Variants in FSTL5 observed in about 807,000 individuals in gnomAD.
FSTL5 encodes follistatin-related protein 5.
Under a neutral mutation model 89.1 loss-of-function variants are expected in FSTL5, and 62 were observed. The observed-to-expected ratio is 0.70, with a 90% CI of 0.57 to 0.86. The LOEUF is 0.86. FSTL5 is among the 40% of genes least tolerant of loss of function. The pLI is 0.00. For synonymous variants in FSTL5, 383 were observed against 346.2 expected, an observed-to-expected ratio of 1.11 and a Z score of -1.18; for missense variants, 1,057 against 1,001.6, an observed-to-expected ratio of 1.06 and a Z score of -0.75.
chr4:161,744,469 C>T (rs1462031881), intron 6 of FSTL5, among the ~76,000 whole-genome samples: 1 of 152,150 alleles, frequency 6.6e-6, no homozygotes, highest in African/African-American at 2.4e-5. Context: ...TATGTCTATA[C>T]ATTTACGAAG....
At chr4:161,625,859 A>G (rs1450951743) in intron 7 of FSTL5, among the ~76,000 whole-genome samples, 2 of 152,188 alleles carry the variant, frequency 1.3e-5, no homozygotes, top group Admixed American at 1.3e-4. Flanking sequence ...TTGATGATAT[A>G]GAGAAAGTTT....
rs112721522 is a variant in FSTL5, at chr4:161,981,342, T to A, written c.160+52283A>T. Among the ~76,000 whole-genome samples, 183 of 152,286 alleles carry A rather than the reference T, an allele frequency of 1.2e-3. 1 individual carries two copies. The highest frequency in any genetic ancestry group is 4.2e-3 in the African/African-American group (176 of 41,570). The stretch of plus-strand genomic sequence containing the variant: ...AGAAAATGCTTTGCTATTATAATGA[T>A]AATCATGTATTTTATACTAACTTTC... On this transcript the variant is annotated intron_variant, in intron 3 of 15. Coordinates refer to ENST00000306100, the MANE Select transcript of FSTL5 (RefSeq NM_020116.5).
intron 4 of FSTL5, among the ~76,000 whole-genome samples, chr4:161,868,280 T>G (rs370086450): frequency 6.6e-6 from 1 of 152,210 alleles, no homozygotes; most frequent in African/African-American, 2.4e-5. Context: ...TTTCCTCTTT[T>G]TATTTTTTCC....
intron 10 of FSTL5, among the ~76,000 whole-genome samples, chr4:161,535,178 T>G (rs1020006522): frequency 6.6e-6 from 1 of 152,082 alleles, no homozygotes; most frequent in Non-Finnish European, 1.5e-5. Flanking sequence ...AATTTATGGC[T>G]AAGTCCTCAA....
chr4:161,777,998 G>A (rs923866617), intron 4 of FSTL5, among the ~76,000 whole-genome samples: 5 of 152,050 alleles, frequency 3.3e-5, no homozygotes, highest in African/African-American at 1.2e-4. Flanking sequence ...GGAGGCTGAG[G>A]CAGGAGAATC....
intron 4 of FSTL5, among the ~76,000 whole-genome samples, chr4:161,872,617 G>T (rs566207529): frequency 6.6e-6 from 1 of 152,180 alleles, no homozygotes; most frequent in East Asian, 1.9e-4. Flanking sequence ...TAAGAGTGGC[G>T]AATAAGAAAG....
At chr4:161,745,952 C>T in intron 6 of FSTL5, among the ~76,000 whole-genome samples, 1 of 152,172 alleles carries the variant, frequency 6.6e-6, no homozygotes, top group South Asian at 2.1e-4. Flanking sequence ...AGTTTTTCAT[C>T]AGTAAAAAAC....
intron 7 of FSTL5, among the ~76,000 whole-genome samples, chr4:161,654,289 G>T (rs561042653): frequency 3.9e-5 from 6 of 152,074 alleles, no homozygotes; most frequent in Non-Finnish European, 8.8e-5. Flanking sequence ...TACAATGATG[G>T]TTTTCAGACC....
At chr4:162,047,195 A>G (rs1383486774) in intron 2 of FSTL5, among the ~76,000 whole-genome samples, 2 of 152,122 alleles carry the variant, frequency 1.3e-5, no homozygotes, top group Admixed American at 1.3e-4. Context: ...CAGTACAGAC[A>G]CACAACCTGT....
At chr4:161,947,281 T>G (rs1040134149) in intron 3 of FSTL5, among the ~76,000 whole-genome samples, 1 of 151,406 alleles carries the variant, frequency 6.6e-6, no homozygotes, top group African/African-American at 2.4e-5. Flanking sequence ...TTTTTATTGA[T>G]GTTGCTTTTT....
intron 12 of FSTL5, among the ~76,000 whole-genome samples, chr4:161,490,637 C>G (rs548045448): frequency 8.8e-4 from 134 of 152,096 alleles, no homozygotes; most frequent in African/African-American, 3.2e-3. Context: ...TTATATGGAA[C>G]AAAGGCTTAA....
intron 1 of FSTL5, among the ~76,000 whole-genome samples, chr4:162,137,874 C>T (rs977451728): frequency 6.6e-6 from 1 of 152,024 alleles, no homozygotes; most frequent in Admixed American, 6.6e-5. Context: ...AAAGTAAGGT[C>T]AATTAACCTA....
intron 2 of FSTL5, among the ~76,000 whole-genome samples, chr4:162,103,469 T>C (rs773125441): frequency 2.6e-5 from 4 of 152,196 alleles, no homozygotes; most frequent in Non-Finnish European, 5.9e-5. Flanking sequence ...TGTGTATTGG[T>C]AGCCAGTTCT....
rs1560917656 is a variant in FSTL5, at chr4:161,920,756, G to A, written c.161-104C>T. ...AAACAAGTGTTCTAAGAAAAGTATAGTATAGTGTATTCAGGGCTCAATTTT... is the reference window on the plus strand; with the variant it reads ...AAACAAGTGTTCTAAGAAAAGTATAATATAGTGTATTCAGGGCTCAATTTT... On this transcript the variant is annotated intron_variant, in intron 3 of 15. Transcript: ENST00000306100. 2.7e-6 allele frequency: 3 copies of A among 1,130,166 alleles called. No homozygotes were observed. In the East Asian group the frequency reaches 7.7e-5, roughly 29 times the overall value. The allele number at this position is 1,130,166 out of a possible 1,614,324, so 70.0% of individuals were successfully genotyped here. A position where few individuals can be genotyped will look rare whatever the true frequency, so the allele number is the denominator to read the frequency against.
chr4:162,063,408 T>G (rs1338677886), intron 2 of FSTL5, among the ~76,000 whole-genome samples: 1 of 151,868 alleles, frequency 6.6e-6, no homozygotes, highest in Non-Finnish European at 1.5e-5. Context: ...AAAGCCCTAT[T>G]TTAATCACTT....
intron 6 of FSTL5, among the ~76,000 whole-genome samples, chr4:161,734,672 A>T (rs1327449304): frequency 6.6e-6 from 1 of 152,214 alleles, no homozygotes; most frequent in Non-Finnish European, 1.5e-5. Flanking sequence ...AAATAAACAA[A>T]AAACAAAAAC....
intron 5 of FSTL5, among the ~76,000 whole-genome samples, chr4:161,767,060 C>T (rs1426604262): frequency 6.6e-6 from 1 of 152,134 alleles, no homozygotes; most frequent in Non-Finnish European, 1.5e-5. Flanking sequence ...CATAGTCTTT[C>T]AATATTCCCA....
intron 3 of FSTL5, among the ~76,000 whole-genome samples, chr4:161,954,187 T>C (rs1029194628): frequency 1.3e-5 from 2 of 151,718 alleles, no homozygotes; most frequent in East Asian, 3.9e-4. Flanking sequence ...AAGGGACAGA[T>C]CCACAATATA....
At chr4:161,671,453 C>A (rs886142183) in intron 6 of FSTL5, among the ~76,000 whole-genome samples, 7 of 152,118 alleles carry the variant, frequency 4.6e-5, no homozygotes, top group African/African-American at 1.7e-4. Flanking sequence ...CTAAGACCTA[C>A]GGTATGCAAA....
Sources: gnomAD v4.1 joint callset for allele counts (sites outside exome capture counted in the v4.1 genomes callset) on GRCh38, gnomAD v4.1.1 for gene constraint, MANE v1.5 for transcripts, NCBI Gene and HGNC (gene_info 2026-07-23, HGNC 2026-07-21) for gene names.